RALGPS1: variants seen among roughly 807,000 people sequenced by gnomAD.
RALGPS1 encodes the protein Ral GEF with PH domain and SH3 binding motif 1.
A neutral mutation model predicts 78.8 loss-of-function variants in RALGPS1; 19 were observed. The ratio of observed to expected loss-of-function variants is 0.24; its 90% CI spans 0.17 to 0.35. RALGPS1 has a LOEUF of 0.35. Ranked by LOEUF, RALGPS1 falls within the 10% of genes least tolerant of loss-of-function variation. The pLI is 1.00. For synonymous variants in RALGPS1, 228 were observed against 256.3 expected, an observed-to-expected ratio of 0.89 and a Z score of 1.06; for missense variants, 454 against 688.3, an observed-to-expected ratio of 0.66 and a Z score of 3.81.
chr9:127,188,504 G>A (rs918531376), intron 11 of RALGPS1, among the ~76,000 whole-genome samples: 12 of 152,120 alleles, frequency 7.9e-5, no homozygotes, highest in African/African-American at 2.9e-4. Context: ...TTCTTGAGAT[G>A]CCATCTGAAA....
intron 18 of RALGPS1, chr9:127,216,997 C>A: frequency 6.5e-7 from 1 of 1,534,790 alleles, no homozygotes; most frequent in Admixed American, 2.1e-5. Flanking sequence ...GGGCCCTGTG[C>A]CTGAAGCCTG....
intron 4 of RALGPS1, among the ~76,000 whole-genome samples, chr9:126,998,475 C>T (rs1376828943): frequency 1.3e-5 from 2 of 152,130 alleles, no homozygotes; most frequent in East Asian, 1.9e-4. Flanking sequence ...AGATACCATC[C>T]CACACCAGTT....
chr9:127,072,615 G>A lies in RALGPS1; in HGVS notation c.610+3259G>A, dbSNP rs187188957. Among the ~76,000 whole-genome samples, 303 of 152,198 alleles carry A rather than the reference G, an allele frequency of 2.0e-3. 1 individual carries two copies. Among genetic ancestry groups the A allele is most frequent in the African/African-American group, 6.9e-3 (288 of 41,534 alleles). ...TTGTTTTGTGGCTTAATGTAAGATC[G>A]GTTTTTATACATGTTTCATGGTGCA... is the stretch of plus-strand genomic sequence containing the variant. On this transcript the variant is annotated intron_variant, in intron 8 of 18. Transcript: ENST00000259351.
At chr9:126,974,325 A>G (rs922662380) in intron 3 of RALGPS1, among the ~76,000 whole-genome samples, 4 of 152,200 alleles carry the variant, frequency 2.6e-5, no homozygotes, top group African/African-American at 9.7e-5. Context: ...TCTGTGAGTC[A>G]AAGCAGGAAT....
chr9:127,166,592 A>T (rs139559853), intron 9 of RALGPS1, among the ~76,000 whole-genome samples: 42 of 152,262 alleles, frequency 2.8e-4, no homozygotes, highest in Non-Finnish European at 4.9e-4. Flanking sequence ...GCTGTCTCCC[A>T]TGGCCTCAGA....
At chr9:127,128,014 A>G (rs1253912298) in intron 8 of RALGPS1, among the ~76,000 whole-genome samples, 3 of 150,606 alleles carry the variant, frequency 2.0e-5, no homozygotes, top group East Asian at 3.9e-4. Context: ...TCCTAATGCT[A>G]TCCCTCCCCC....
chr9:127,017,160 A>C (rs894967832), intron 4 of RALGPS1, among the ~76,000 whole-genome samples: 20 of 152,226 alleles, frequency 1.3e-4, no homozygotes, highest in African/African-American at 4.8e-4. Context: ...ATGCATCATG[A>C]GAAATGCATC....
At position 127,174,142 on chromosome 9, in the gene RALGPS1, C is replaced by G. The variant is rs1221775821; in HGVS notation, c.843-573C>G. ...GGGGTTGGGGACGCATGCCTGTATT[C>G]CCAGCCAGCTACTTGGGAGGCTGAG... On this transcript the variant is annotated intron_variant, in intron 10 of 18. Coordinates refer to ENST00000259351, the MANE Select transcript of RALGPS1 (RefSeq NM_014636.3). 2.0e-5 allele frequency among the ~76,000 whole-genome samples: 3 copies of G among 151,272 alleles called. No individual in the cohort carries two copies. The East Asian group carries it at 5.8e-4, about 29-fold the overall frequency.
chr9:127,218,816 G>T lies in RALGPS1; in HGVS notation c.*47G>T. ...ACTTCAGAGGCTTCTGGGAACCCAG[G>T]CTGGGCCTGGTGGTGAAGAGCAGTC... is the stretch of plus-strand genomic sequence containing the variant. On this transcript the variant is annotated 3_prime_UTR_variant, in exon 19 of 19. Coordinates refer to ENST00000259351, the MANE Select transcript of RALGPS1 (RefSeq NM_014636.3). This position sits in a 1 kb window ranked among gnomAD's most constrained non-coding sequence, Gnocchi z 4.4. 5 of 1,597,684 alleles carry T rather than the reference G, an allele frequency of 3.1e-6. No homozygotes were observed. Among genetic ancestry groups the T allele is most frequent in the Non-Finnish European group, 4.3e-6 (5 of 1,165,010 alleles).
chr9:127,009,692 A>G (rs543424403), intron 4 of RALGPS1, among the ~76,000 whole-genome samples: 2 of 152,116 alleles, frequency 1.3e-5, no homozygotes, highest in African/African-American at 4.8e-5. Flanking sequence ...ACTTTTTTGA[A>G]TCTCTGAGCC....
intron 8 of RALGPS1, among the ~76,000 whole-genome samples, chr9:127,096,318 G>A (rs1292073285): frequency 6.6e-6 from 1 of 152,210 alleles, no homozygotes; most frequent in Non-Finnish European, 1.5e-5. Context: ...GGGCGTGGGA[G>A]GCCTCCCAGC....
At chr9:126,938,405 A>G (rs1435250692) in intron 1 of RALGPS1, among the ~76,000 whole-genome samples, 2 of 152,142 alleles carry the variant, frequency 1.3e-5, no homozygotes, top group Non-Finnish European at 2.9e-5. Context: ...GTCTGTCCCT[A>G]TTCTGTTAAA....
At chr9:127,180,969 A>G (rs968730122) in intron 11 of RALGPS1, among the ~76,000 whole-genome samples, 3 of 152,208 alleles carry the variant, frequency 2.0e-5, no homozygotes. Flanking sequence ...CAGCCTCAGT[A>G]TTGCAGCCTC....
chr9:127,201,859 G>A (rs541742941), intron 14 of RALGPS1, among the ~76,000 whole-genome samples: 3 of 152,156 alleles, frequency 2.0e-5, no homozygotes, highest in African/African-American at 4.8e-5. Flanking sequence ...GAGACCCCAC[G>A]AGCTGTTCCC....
At chr9:127,069,550 C>A in intron 8 of RALGPS1, 194 bp downstream of exon 8, 1 of 561,968 alleles carries the variant, frequency 1.8e-6, no homozygotes, top group Admixed American at 3.3e-5. Context: ...GGGTGATATA[C>A]AAGTGATGTT....
At chr9:127,105,003 A>G (rs1242604961) in intron 8 of RALGPS1, among the ~76,000 whole-genome samples, 1 of 152,068 alleles carries the variant, frequency 6.6e-6, no homozygotes, top group African/African-American at 2.4e-5. Context: ...CAGAGAGACC[A>G]TCTGTTTTTT....
At chr9:126,916,710 G>C (rs891336782) in intron 1 of RALGPS1, among the ~76,000 whole-genome samples, 8 of 152,142 alleles carry the variant, frequency 5.3e-5, no homozygotes, top group African/African-American at 1.9e-4. Context: ...GAACGTGGGA[G>C]GCGGAGGTTG....
intron 8 of RALGPS1, among the ~76,000 whole-genome samples, chr9:127,159,182 T>C (rs1397320339): frequency 1.3e-5 from 2 of 152,208 alleles, no homozygotes; most frequent in South Asian, 2.1e-4. Context: ...CCCTTCTTAC[T>C]GCCAGTCAGA....
Position 127,168,665 on chromosome 9 carries a change from T to C in RALGPS1, c.749-14T>C. 1 of 1,587,680 alleles carries C rather than the reference T, an allele frequency of 6.3e-7. No homozygotes were observed. Among genetic ancestry groups the C allele is most frequent in the African/African-American group, 1.3e-5 (1 of 74,432 alleles). ...GAGAGCCTAAAGTTTCTGGATGTGGTCCACCTTTTGCAGATCACCTCACCA... is the reference window on the plus strand; with the variant it reads ...GAGAGCCTAAAGTTTCTGGATGTGGCCCACCTTTTGCAGATCACCTCACCA... On this transcript the variant is annotated splice_polypyrimidine_tract_variant and intron_variant, in intron 9 of 18. Transcript: ENST00000259351.
Sources: gnomAD v4.1 joint callset for allele counts (sites outside exome capture counted in the v4.1 genomes callset) on GRCh38, gnomAD v4.1.1 for gene constraint, Gnocchi (gnomAD v3.1) non-coding constraint, MANE v1.5 for transcripts, NCBI Gene and HGNC (gene_info 2026-07-23, HGNC 2026-07-21) for gene names.